The following LCORL variants were observed in gnomAD, a reference collection of about 807,000 sequenced individuals.
LCORL encodes the protein ligand dependent nuclear receptor corepressor like, also known as ligand-dependent nuclear receptor corepressor-like protein.
A neutral mutation model predicts 141.8 loss-of-function variants in LCORL; 41 were observed. That is an observed-to-expected ratio of 0.29 (90% CI 0.23 to 0.38). LCORL has a LOEUF of 0.38. Ranked by LOEUF, LCORL falls within the 10% of genes least tolerant of loss-of-function variation. The probability of loss-of-function intolerance (pLI) is 1.00; values close to 1 mark genes in which losing one functional copy is unlikely to be tolerated. For missense variants in LCORL, 1,759 were observed against 2,035.0 expected, an observed-to-expected ratio of 0.86 and a Z score of 2.61; for synonymous variants, 618 against 694.1, an observed-to-expected ratio of 0.89 and a Z score of 1.72.
chr4:17,925,038 C>T (rs1189238447), intron 4 of LCORL, among the ~76,000 whole-genome samples: 1 of 152,188 alleles, frequency 6.6e-6, no homozygotes, highest in Admixed American at 6.5e-5. Flanking sequence ...CTTCCTGTTC[C>T]TGTAACATTA....
chr4:17,966,436 A>C (rs916755244), intron 2 of LCORL, among the ~76,000 whole-genome samples: 5 of 152,152 alleles, frequency 3.3e-5, no homozygotes, highest in Non-Finnish European at 5.9e-5. Context: ...AGAAGACACA[A>C]ACTACCAAAT....
intron 4 of LCORL, among the ~76,000 whole-genome samples, chr4:17,939,117 ATGACT>A (rs1737383454): frequency 6.6e-6 from 1 of 152,246 alleles, no homozygotes. Flanking sequence ...AAATGAGCAA[ATGACT>A]TGAACAGATC....
At chr4:17,899,741 G>GA (rs1252669308) in intron 5 of LCORL, among the ~76,000 whole-genome samples, 2 of 151,954 alleles carry the variant, frequency 1.3e-5, no homozygotes, top group Non-Finnish European at 2.9e-5. Flanking sequence ...CAAGGGAAAA[G>GA]AAAAAAACAA....
intron 4 of LCORL, among the ~76,000 whole-genome samples, chr4:17,914,015 C>T (rs983993967): frequency 5.9e-5 from 9 of 152,096 alleles, no homozygotes; most frequent in Non-Finnish European, 1.3e-4. Context: ...TTGTTAACTT[C>T]GTAACTGGAA....
intron 4 of LCORL, among the ~76,000 whole-genome samples, chr4:17,938,830 C>T (rs1737338650): frequency 6.6e-6 from 1 of 152,078 alleles, no homozygotes; most frequent in South Asian, 2.1e-4. Flanking sequence ...TCAGAGTTCC[C>T]CTTTCTTATT....
At chr4:17,912,615 A>G in intron 4 of LCORL, 1 of 401,578 alleles carries the variant, frequency 2.5e-6, no homozygotes, top group South Asian at 2.0e-5. Context: ...CAGTCCTTGG[A>G]GATGGACCTG....
chr4:17,849,614 C>T (rs1364110542), intron 7 of LCORL, among the ~76,000 whole-genome samples: 22 of 152,148 alleles, frequency 1.4e-4, no homozygotes, highest in Non-Finnish European at 2.5e-4. Flanking sequence ...AAAAGCAGAG[C>T]GCCTCTCCTC....
At chr4:18,010,230 C>G (rs967986568) in intron 1 of LCORL, among the ~76,000 whole-genome samples, 11 of 148,690 alleles carry the variant, frequency 7.4e-5, no homozygotes, top group African/African-American at 2.7e-4. Context: ...TCTAACCAAA[C>G]ATGCATTTTA....
At chr4:17,850,414 T>A (rs887686696) in intron 7 of LCORL, among the ~76,000 whole-genome samples, 1 of 150,258 alleles carries the variant, frequency 6.7e-6, no homozygotes, top group Non-Finnish European at 1.5e-5. Context: ...GAATCTACAA[T>A]GAACTCAAAC....
At chr4:17,867,365 C>T (rs1174465157) in intron 7 of LCORL, among the ~76,000 whole-genome samples, 1 of 152,008 alleles carries the variant, frequency 6.6e-6, no homozygotes, top group Non-Finnish European at 1.5e-5. Flanking sequence ...ATATTTTAGA[C>T]TCTGTAGGCT....
intron 7 of LCORL, among the ~76,000 whole-genome samples, chr4:17,868,314 T>C (rs1023150217): frequency 6.7e-6 from 1 of 149,972 alleles, no homozygotes; most frequent in Non-Finnish European, 1.5e-5. Flanking sequence ...GCTGACAAAC[T>C]TTTTTTTTTC....
At chr4:17,948,060 T>C (rs1050805525) in intron 4 of LCORL, among the ~76,000 whole-genome samples, 2 of 152,010 alleles carry the variant, frequency 1.3e-5, no homozygotes, top group African/African-American at 2.4e-5. Flanking sequence ...GTGTTGATAC[T>C]AAGCAGCAGC....
chr4:17,998,988 ATATATATATATATAT>A (rs1721428507), intron 1 of LCORL, among the ~76,000 whole-genome samples: 2 of 53,956 alleles, frequency 3.7e-5, no homozygotes, highest in African/African-American at 1.3e-4. Flanking sequence ...AAAAAAAAAT[ATATATATATATATAT>A]ACACACATAT....
exon 7 of LCORL, chr4:17,874,009 C>T: frequency 8.1e-7 from 1 of 1,234,150 alleles, no homozygotes. Context: ...GGTGGCAAAA[C>T]ACACTGATTA....
chr4:18,011,685 C>A (rs376860910), intron 1 of LCORL, among the ~76,000 whole-genome samples: 121 of 152,272 alleles, frequency 7.9e-4, no homozygotes, highest in African/African-American at 2.7e-3. Context: ...CCAAATCCAC[C>A]TATTTTTATA....
intron 5 of LCORL, among the ~76,000 whole-genome samples, chr4:17,900,606 CAATT>C (rs140878508): frequency 0.012 from 1,814 of 152,146 alleles, 35 homozygotes; most frequent in African/African-American, 0.041. Context: ...GAAAAAGTAA[CAATT>C]AACTTCTGGA....
chr4:17,993,792 T>A (rs1720450558), intron 1 of LCORL, among the ~76,000 whole-genome samples: 1 of 152,140 alleles, frequency 6.6e-6, no homozygotes, highest in Admixed American at 6.5e-5. Context: ...ACAGGATGGT[T>A]AGAAAGCTTG....
chr4:17,920,241 G>C (rs1328109821), intron 4 of LCORL, among the ~76,000 whole-genome samples: 1 of 152,202 alleles, frequency 6.6e-6, no homozygotes, highest in Non-Finnish European at 1.5e-5. Flanking sequence ...AGTAAGCACT[G>C]CTTGGTATGT....
At chr4:17,892,728 T>C (rs1248327366) in intron 5 of LCORL, among the ~76,000 whole-genome samples, 1 of 152,218 alleles carries the variant, frequency 6.6e-6, no homozygotes, top group Non-Finnish European at 1.5e-5. Flanking sequence ...CTTCAACATT[T>C]CCACCAAATG....
Sources: gnomAD v4.1 joint callset for allele counts (sites outside exome capture counted in the v4.1 genomes callset) on GRCh38, gnomAD v4.1.1 for gene constraint, MANE v1.5 for transcripts, NCBI Gene and HGNC (gene_info 2026-07-23, HGNC 2026-07-21) for gene names.